Variants in UNC13A observed in about 807,000 individuals in gnomAD.
UNC13A encodes the protein unc-13 homolog A, also known as protein unc-13 homolog A.
In UNC13A, 61 loss-of-function variants were observed where a neutral mutation model predicts 219.7. That is an observed-to-expected ratio of 0.28 (90% CI 0.23 to 0.34). The LOEUF (loss-of-function observed/expected upper bound fraction) is 0.34, where lower values mean the gene tolerates loss of function less well. UNC13A is among the 10% of genes least tolerant of loss of function. The pLI, the probability that UNC13A is intolerant of heterozygous loss-of-function variation, is 1.00. For missense variants in UNC13A, 1,476 were observed against 2,270.3 expected (o/e 0.65, Z 7.11); for synonymous variants, 920 against 884.6 (o/e 1.04, Z -0.71).
intron 4 of UNC13A, among the ~76,000 whole-genome samples, chr19:17,670,109 G>A (rs1423510408): frequency 1.3e-5 from 2 of 151,776 alleles, no homozygotes; most frequent in Non-Finnish European, 2.9e-5. Flanking sequence ...ACCACGCCTG[G>A]CTGATTTTTT....
intron 5 of UNC13A, 39 bp downstream of exon 5, chr19:17,669,514 G>C (rs2079736241): frequency 1.2e-6 from 2 of 1,604,536 alleles, no homozygotes; most frequent in Non-Finnish European, 1.7e-6. Flanking sequence ...CCACAACTGG[G>C]GCTGGGGCTG....
intron 37 of UNC13A, among the ~76,000 whole-genome samples, chr19:17,621,498 T>C (rs1568505641): frequency 6.6e-6 from 1 of 152,098 alleles, no homozygotes; most frequent in Non-Finnish European, 1.5e-5. Flanking sequence ...CACGTCTCAG[T>C]CCAGGGTGGT....
chr19:17,618,793 G>T (rs1384917649), intron 39 of UNC13A, 113 bp downstream of exon 39: 1 of 1,016,780 alleles, frequency 9.8e-7, no homozygotes, highest in Non-Finnish European at 1.5e-6. Flanking sequence ...TGTCCTTTGA[G>T]CCTGTAATGC....
At chr19:17,650,486 C>T (rs1233633878) in intron 12 of UNC13A, among the ~76,000 whole-genome samples, 1 of 152,120 alleles carries the variant, frequency 6.6e-6, no homozygotes, top group African/African-American at 2.4e-5. Context: ...GCAATCCAGC[C>T]TGGGTGACAG....
In UNC13A at chr19:17,604,457, G is replaced by C. The variant is rs1249731990; in HGVS notation, c.*1597C>G. 6.6e-6 allele frequency: 1 copy of C among 152,098 alleles called. No homozygotes were observed. Among genetic ancestry groups the C allele is most frequent in the Non-Finnish European group, 1.5e-5 (1 of 68,054 alleles). The allele number at this position is 152,098 out of a possible 1,614,324, so 9.4% of individuals were successfully genotyped here. On this transcript the variant is annotated 3_prime_UTR_variant, in exon 44 of 44. Transcript: ENST00000519716. ...TGGCCTTCGCACGTGCTGTTCCCCA[G>C]GCCTGGAGCTCTTTTCTCTCTAGTA...
intron 6 of UNC13A, among the ~76,000 whole-genome samples, chr19:17,667,812 G>T (rs1382125576): frequency 6.9e-6 from 1 of 145,370 alleles, no homozygotes; most frequent in African/African-American, 2.6e-5. Context: ...GTAGAGACGG[G>T]GTTTCACTGT....
intron 6 of UNC13A, 37 bp from the exon 7 acceptor site, chr19:17,666,741 G>C: frequency 6.8e-7 from 1 of 1,470,516 alleles, no homozygotes. Flanking sequence ...GCTTCTCTCA[G>C]AGGGGCCAAA....
intron 4 of UNC13A, 23 bp from the exon 5 acceptor site, chr19:17,669,699 T>A: frequency 6.3e-7 from 1 of 1,594,826 alleles, no homozygotes; most frequent in Non-Finnish European, 8.5e-7. Context: ...GGAGGAGGTG[T>A]GTGGGTCAGG....
intron 19 of UNC13A, among the ~76,000 whole-genome samples, chr19:17,643,920 G>C (rs1370868505): frequency 6.6e-6 from 1 of 152,028 alleles, no homozygotes; most frequent in Non-Finnish European, 1.5e-5. Context: ...CCTCAGACTA[G>C]GACCCCCTGG....
At chr19:17,619,570 C>T (rs1035532056) in intron 38 of UNC13A, among the ~76,000 whole-genome samples, 2 of 151,876 alleles carry the variant, frequency 1.3e-5, no homozygotes, top group African/African-American at 2.4e-5. Flanking sequence ...GCTGGGACTA[C>T]ACGTGTGAGC....
At chr19:17,614,828 C>T (rs185820808) in intron 41 of UNC13A, among the ~76,000 whole-genome samples, 240 of 152,270 alleles carry the variant, frequency 1.6e-3, no homozygotes, top group African/African-American at 5.6e-3. Context: ...TCAGCCGCCC[C>T]GCCCTCCCCC....
intron 22 of UNC13A, 34 bp from the exon 23 acceptor site, chr19:17,639,942 A>G (rs1454003338): frequency 1.8e-5 from 29 of 1,610,058 alleles, no homozygotes; most frequent in Non-Finnish European, 2.4e-5. Context: ...GGATGGATGG[A>G]GGCAGGACAT....
intron 1 of UNC13A, among the ~76,000 whole-genome samples, chr19:17,681,875 ACT>A (rs2080025565): frequency 6.6e-6 from 1 of 151,072 alleles, no homozygotes; most frequent in East Asian, 1.9e-4. Context: ...AATGCAGTGG[ACT>A]CTCAGAAATG....
At position 17,648,920 on chromosome 19, in the gene UNC13A, CGTT is replaced by C; in HGVS notation, c.1585_1587del (p.Asn529del). The C allele has an allele frequency of 4.4e-6, 7 of 1,598,008 alleles. No individual in the cohort carries two copies. The highest frequency in any genetic ancestry group is 1.1e-5 in the South Asian group (1 of 88,152). ...AGAGGTGCCCCACGCACCAGCTCCT[CGTT>C]GTTCAACGTGCTGGAGGCCAAGGCC... On this transcript the variant is annotated inframe_deletion, in exon 15 of 44. Coordinates refer to ENST00000519716, the MANE Select transcript of UNC13A (RefSeq NM_001080421.3).
rs1395870794 is a variant in UNC13A, at chr19:17,649,679, G to A, written c.1440-92C>T. On this transcript the variant is annotated intron_variant, in intron 12 of 43. Transcript: ENST00000519716. This position sits in a 1 kb window ranked among gnomAD's most constrained non-coding sequence, Gnocchi z 4.4. ...ACATTCAACCTCCCCCAGGTGTTAA[G>A]GGGTTGAATTGGGTCCCTCAAAAAA... 7.6e-6 allele frequency: 11 copies of A among 1,446,494 alleles called. No homozygotes were observed. In the Admixed American group the frequency reaches 1.2e-4, roughly 16 times the overall value. The allele number at this position is 1,446,494 out of a possible 1,614,324, so 89.6% of individuals were successfully genotyped here. A position where few individuals can be genotyped will look rare whatever the true frequency, so the allele number is the denominator to read the frequency against.
At chr19:17,621,055 C>G (rs996606748) in intron 37 of UNC13A, among the ~76,000 whole-genome samples, 2 of 152,106 alleles carry the variant, frequency 1.3e-5, no homozygotes, top group Non-Finnish European at 1.5e-5. Flanking sequence ...TCCTCCATTC[C>G]CTAAGGGGCT....
chr19:17,687,299 G>T (rs1425446335), intron 1 of UNC13A, among the ~76,000 whole-genome samples: 1 of 151,914 alleles, frequency 6.6e-6, no homozygotes, highest in African/African-American at 2.4e-5. Context: ...CCCCAAAATA[G>T]CTCCCCCCCC....
At position 17,609,219 on chromosome 19, in the gene UNC13A, C is replaced by T. The variant is rs557074470; in HGVS notation, c.4811+721G>A. 2.0e-5 allele frequency among the ~76,000 whole-genome samples: 3 copies of T among 151,484 alleles called. No homozygotes were observed. The East Asian group carries it at 5.8e-4, about 29-fold the overall frequency. ...TCCTGACCTCAGGTGATCTGTCTGC[C>T]TCGGCGTCCCAGAGTGCTGGGATGA... On this transcript the variant is annotated intron_variant, in intron 43 of 43. Coordinates refer to ENST00000519716, the MANE Select transcript of UNC13A (RefSeq NM_001080421.3).
chr19:17,634,395 G>A (rs986217191), intron 26 of UNC13A, among the ~76,000 whole-genome samples: 4 of 152,110 alleles, frequency 2.6e-5, no homozygotes, highest in Admixed American at 2.6e-4. Context: ...CTGGAGTGCA[G>A]TGGTGCGATT....
Sources: allele counts gnomAD v4.1 joint callset (sites outside exome capture counted in the v4.1 genomes callset), GRCh38; gene constraint gnomAD v4.1.1; non-coding constraint Gnocchi (gnomAD v3.1); transcripts MANE v1.5; gene names NCBI Gene and HGNC (gene_info 2026-07-23, HGNC 2026-07-21).